Variants in MCC observed in about 807,000 individuals in gnomAD.
MCC encodes MCC regulator of Wnt signaling pathway.
Under a neutral mutation model 116.2 loss-of-function variants are expected in MCC, and 90 were observed. That is an observed-to-expected ratio of 0.77 (90% CI 0.65 to 0.92). The LOEUF (loss-of-function observed/expected upper bound fraction) is 0.92, where lower values mean the gene tolerates loss of function less well. MCC is among the 40% of genes least tolerant of loss of function. The probability of loss-of-function intolerance (pLI) is 0.00; values close to 1 mark genes in which losing one functional copy is unlikely to be tolerated. For missense variants in MCC, 1,516 were observed against 1,312.2 expected (o/e 1.16, Z -2.40); for synonymous variants, 578 against 510.5 (o/e 1.13, Z -1.78).
chr5:113,203,049 C>A (rs1762752789), intron 3 of MCC, among the ~76,000 whole-genome samples: 1 of 152,118 alleles, frequency 6.6e-6, no homozygotes, highest in Non-Finnish European at 1.5e-5. Context: ...TTTTGGTGAC[C>A]ACTCCCCTTC....
chr5:113,423,011 C>G (rs12513638), intron 1 of MCC, among the ~76,000 whole-genome samples: 9 of 152,154 alleles, frequency 5.9e-5, no homozygotes, highest in Admixed American at 5.9e-4. Flanking sequence ...CAATACTCAT[C>G]GTGTTTTCCA....
rs1659082676 is a variant in MCC, at chr5:113,434,489, G to T, written c.171-49277C>A. 6.2e-7 allele frequency: 1 copy of T among 1,613,250 alleles called. No homozygotes were observed. The highest frequency in any genetic ancestry group is 2.2e-5 in the East Asian group (1 of 44,854). Reference sequence around the variant, plus strand: ...ACTTGATGGCCAAGGAAAGCTGGTGGAACTTCTTGCGAGCTTCGTCCTCAT... The same window carrying T: ...ACTTGATGGCCAAGGAAAGCTGGTGTAACTTCTTGCGAGCTTCGTCCTCAT... On this transcript the variant is annotated intron_variant, in intron 1 of 18. Transcript: ENST00000408903. The surrounding 1 kb of genome is among the most constrained non-coding windows in gnomAD (Gnocchi z 4.2).
intron 3 of MCC, among the ~76,000 whole-genome samples, chr5:113,206,318 G>A (rs576888579): frequency 3.7e-4 from 56 of 152,300 alleles, no homozygotes; most frequent in South Asian, 4.1e-4. Flanking sequence ...TTGCTCATAT[G>A]TGTAATATAT....
chr5:113,040,933 A>C (rs1257333926), intron 17 of MCC, among the ~76,000 whole-genome samples: 4 of 152,214 alleles, frequency 2.6e-5, no homozygotes, highest in African/African-American at 9.6e-5. Flanking sequence ...AATTTGAAAA[A>C]CTTAAGGGCT....
chr5:113,204,288 A>T (rs1286493823), intron 3 of MCC, among the ~76,000 whole-genome samples: 2 of 152,208 alleles, frequency 1.3e-5, no homozygotes, highest in Non-Finnish European at 2.9e-5. Flanking sequence ...CACACAGCAG[A>T]TGAAGGCCTT....
At chr5:113,333,820 C>CATATATGT (rs776847278) in intron 3 of MCC, among the ~76,000 whole-genome samples, 5 of 85,540 alleles carry the variant, frequency 5.8e-5, no homozygotes, top group Non-Finnish European at 7.0e-5. Flanking sequence ...TATATATGTA[C>CATATATGT]ATATATGTAT....
intron 3 of MCC, among the ~76,000 whole-genome samples, chr5:113,200,970 C>A (rs1344268079): frequency 6.6e-6 from 1 of 152,178 alleles, no homozygotes; most frequent in Non-Finnish European, 1.5e-5. Context: ...CATAGGTGAT[C>A]TGCAGGTTAT....
intron 1 of MCC, among the ~76,000 whole-genome samples, chr5:113,432,351 A>G (rs1770684482): frequency 1.3e-5 from 2 of 151,722 alleles, no homozygotes; most frequent in Admixed American, 6.6e-5. Flanking sequence ...AAAGAAAAGA[A>G]AAAAAAACAG....
chr5:113,087,345 C>T (rs941114423), intron 8 of MCC, among the ~76,000 whole-genome samples: 9 of 152,294 alleles, frequency 5.9e-5, no homozygotes, highest in African/African-American at 1.9e-4. Context: ...TCGATGGAAA[C>T]GCTTGCTGTC....
intron 5 of MCC, among the ~76,000 whole-genome samples, chr5:113,131,182 A>G (rs976962633): frequency 1.3e-5 from 2 of 152,230 alleles, no homozygotes; most frequent in Admixed American, 6.5e-5. Flanking sequence ...TTATGAGAGT[A>G]GCTTATAGAA....
rs1392369747 is a variant in MCC at position 113,320,344 on chromosome 5, T to C, written c.627+20175A>G. On this transcript the variant is annotated intron_variant, in intron 3 of 18. Coordinates refer to ENST00000408903, the MANE Select transcript of MCC (RefSeq NM_001085377.2). ...GGTAAGGGATCCTAAGTGGCAAATA[T>C]ATAGAAACTGAAAGAAATGCAAATT... is the stretch of plus-strand genomic sequence containing the variant. Among the ~76,000 whole-genome samples the C allele has an allele frequency of 2.7e-5, 4 of 150,538 alleles. No individual in the cohort carries two copies. The Admixed American group carries it at 2.7e-4, about 10-fold the overall frequency.
At chr5:113,461,172 G>A (rs1771731635) in intron 1 of MCC, among the ~76,000 whole-genome samples, 1 of 152,092 alleles carries the variant, frequency 6.6e-6, no homozygotes, top group Admixed American at 6.5e-5. Context: ...GACACAGGAG[G>A]ACTGCTTGAG....
intron 13 of MCC, among the ~76,000 whole-genome samples, chr5:113,066,461 C>T (rs897292396): frequency 6.6e-6 from 1 of 152,156 alleles, no homozygotes; most frequent in Non-Finnish European, 1.5e-5. Context: ...AGAGTTTCTA[C>T]TTCTGGGCTG....
chr5:113,191,755 A>G (rs1335634750), intron 3 of MCC, among the ~76,000 whole-genome samples: 1 of 152,170 alleles, frequency 6.6e-6, no homozygotes, highest in East Asian at 1.9e-4. Context: ...TTGATTATAG[A>G]ACAGCGATGA....
intron 3 of MCC, among the ~76,000 whole-genome samples, chr5:113,301,681 A>G (rs554585549): frequency 2.6e-5 from 4 of 152,324 alleles, no homozygotes; most frequent in East Asian, 1.9e-4. Flanking sequence ...GGAGCCAACT[A>G]GGCAAAAAGT....
intron 14 of MCC, among the ~76,000 whole-genome samples, chr5:113,058,458 T>C (rs1171971280): frequency 6.6e-6 from 1 of 152,126 alleles, no homozygotes; most frequent in Admixed American, 6.5e-5. Context: ...CAATCTGTGT[T>C]TTAATATACC....
intron 14 of MCC, among the ~76,000 whole-genome samples, chr5:113,058,337 A>C (rs1752980061): frequency 1.3e-5 from 2 of 152,188 alleles, no homozygotes; most frequent in African/African-American, 2.4e-5. Context: ...GTTTTCCAAG[A>C]GGGGTCCCGG....
intron 8 of MCC, among the ~76,000 whole-genome samples, chr5:113,098,690 A>G (rs557001032): frequency 1.3e-4 from 20 of 152,354 alleles, no homozygotes; most frequent in Admixed American, 5.9e-4. Flanking sequence ...TTAAATCTTG[A>G]ACAAAGCTCA....
intron 3 of MCC, among the ~76,000 whole-genome samples, chr5:113,194,392 T>C (rs756025087): frequency 1.3e-5 from 2 of 152,080 alleles, no homozygotes; most frequent in Non-Finnish European, 2.9e-5. Context: ...CTGGTCTGCG[T>C]GGGGGCTCAC....
Sources: allele counts gnomAD v4.1 joint callset (sites outside exome capture counted in the v4.1 genomes callset), GRCh38; gene constraint gnomAD v4.1.1; non-coding constraint Gnocchi (gnomAD v3.1); transcripts MANE v1.5; gene names NCBI Gene and HGNC (gene_info 2026-07-23, HGNC 2026-07-21).